LSAMP: variants seen among roughly 807,000 people sequenced by gnomAD.
The protein encoded by LSAMP is limbic system-associated membrane protein.
Under a neutral mutation model 38.6 loss-of-function variants are expected in LSAMP, and 7 were observed. The observed-to-expected ratio is 0.18, with a 90% CI of 0.10 to 0.34. LSAMP has a LOEUF of 0.34. Among genes scored for constraint, LSAMP ranks in the 10% least tolerant of loss-of-function variants. The pLI, the probability that LSAMP is intolerant of heterozygous loss-of-function variation, is 1.00. For synonymous variants in LSAMP, 154 were observed against 166.8 expected (o/e 0.92, Z 0.59); for missense variants, 313 against 420.0 (o/e 0.75, Z 2.23).
At chr3:116,031,593 T>TTTTGG (rs1940927129) in intron 2 of LSAMP, among the ~76,000 whole-genome samples, 1 of 128,816 alleles carries the variant, frequency 7.8e-6, no homozygotes, top group East Asian at 2.3e-4. Flanking sequence ...TTTTTTTAGT[T>TTTTGG]GCTTAAGGCA....
chr3:116,139,784 C>T (rs1709331388), intron 1 of LSAMP, among the ~76,000 whole-genome samples: 1 of 151,962 alleles, frequency 6.6e-6, no homozygotes, highest in African/African-American at 2.4e-5. Flanking sequence ...CTAGAGACAA[C>T]AAACTGCTCT....
intron 1 of LSAMP, among the ~76,000 whole-genome samples, chr3:116,283,253 C>G (rs1386415297): frequency 6.6e-6 from 1 of 151,988 alleles, no homozygotes; most frequent in East Asian, 1.9e-4. Context: ...GTACCTATAA[C>G]TCCAGAATTT....
At chr3:115,884,277 A>G (rs1413975750) in intron 3 of LSAMP, among the ~76,000 whole-genome samples, 3 of 152,060 alleles carry the variant, frequency 2.0e-5, no homozygotes, top group African/African-American at 7.2e-5. Context: ...AAAGGAACAG[A>G]TGTTCTTAGA....
At chr3:116,177,378 T>C (rs1710373442) in intron 1 of LSAMP, among the ~76,000 whole-genome samples, 1 of 152,022 alleles carries the variant, frequency 6.6e-6, no homozygotes, top group African/African-American at 2.4e-5. Flanking sequence ...TGGAAGTTAA[T>C]AGGAATCTGT....
chr3:116,444,392 A>AACACAC (rs202044043), intron 1 of LSAMP, among the ~76,000 whole-genome samples: 68 of 144,338 alleles, frequency 4.7e-4, no homozygotes, highest in East Asian at 8.6e-4. Flanking sequence ...TGGCATGAAA[A>AACACAC]ACACACACAC....
At chr3:116,206,436 C>T (rs2046071099) in intron 1 of LSAMP, among the ~76,000 whole-genome samples, 1 of 147,532 alleles carries the variant, frequency 6.8e-6, no homozygotes, top group East Asian at 2.0e-4. Context: ...TATTTCTTGC[C>T]TTCTGCTAGC....
At chr3:116,415,489 C>T (rs1171437250) in intron 1 of LSAMP, among the ~76,000 whole-genome samples, 1 of 152,058 alleles carries the variant, frequency 6.6e-6, no homozygotes, top group Non-Finnish European at 1.5e-5. Flanking sequence ...GAAATACATT[C>T]CTTGATGCTT....
chr3:115,899,543 C>T (rs987164730), intron 3 of LSAMP, among the ~76,000 whole-genome samples: 1 of 152,116 alleles, frequency 6.6e-6, no homozygotes, highest in African/African-American at 2.4e-5. Context: ...TATTTTTAAA[C>T]CATGTCCTTG....
chr3:115,912,718 T>TA (rs1937161905), intron 3 of LSAMP, among the ~76,000 whole-genome samples: 1 of 152,180 alleles, frequency 6.6e-6, no homozygotes, highest in African/African-American at 2.4e-5. Context: ...GGTTATTGTT[T>TA]AAAAAATTTT....
At chr3:115,947,676 A>T (rs1465626641) in intron 3 of LSAMP, among the ~76,000 whole-genome samples, 2 of 152,226 alleles carry the variant, frequency 1.3e-5, no homozygotes, top group Admixed American at 6.5e-5. Context: ...ATTCAATAAA[A>T]AAAGTTTACA....
chr3:116,253,793 G>C (rs1192248510), intron 1 of LSAMP, among the ~76,000 whole-genome samples: 1 of 152,036 alleles, frequency 6.6e-6, no homozygotes, highest in Non-Finnish European at 1.5e-5. Context: ...CAGGAAAACA[G>C]AGTAGAGTGG....
At chr3:115,927,906 A>G (rs1190520923) in intron 3 of LSAMP, among the ~76,000 whole-genome samples, 1 of 152,218 alleles carries the variant, frequency 6.6e-6, no homozygotes, top group Non-Finnish European at 1.5e-5. Context: ...ACTATGCTCT[A>G]CATTTTTCAT....
At chr3:116,022,176 T>C (rs1940657428) in intron 2 of LSAMP, among the ~76,000 whole-genome samples, 1 of 152,174 alleles carries the variant, frequency 6.6e-6, no homozygotes, top group Non-Finnish European at 1.5e-5. Context: ...CATAAGCATG[T>C]ACATATGATG....
chr3:116,168,604 T>G (rs2107549587), intron 1 of LSAMP, among the ~76,000 whole-genome samples: 1 of 152,308 alleles, frequency 6.6e-6, no homozygotes, highest in Admixed American at 6.5e-5. Context: ...TATGGAGTTC[T>G]GACACAAATT....
At chr3:116,312,230 G>T (rs1458686974) in intron 1 of LSAMP, among the ~76,000 whole-genome samples, 2 of 152,114 alleles carry the variant, frequency 1.3e-5, no homozygotes, top group Non-Finnish European at 2.9e-5. Context: ...ATCCATCAGG[G>T]TTGATCACAA....
At chr3:116,273,711 C>CAT (rs1334416772) in intron 1 of LSAMP, among the ~76,000 whole-genome samples, 565 of 44,846 alleles carry the variant, frequency 0.013, 15 homozygotes, top group African/African-American at 0.051. Flanking sequence ...TATATATACA[C>CAT]ACACACACAC....
rs185442573 is a variant in LSAMP at position 116,328,453 on chromosome 3, C to A, written c.155+116424G>T. Among the ~76,000 whole-genome samples, 645 of 152,206 alleles carry A rather than the reference C, an allele frequency of 4.2e-3. 4 individuals carry two copies. Among genetic ancestry groups the A allele is most frequent in the African/African-American group, 0.015 (608 of 41,528 alleles). On this transcript the variant is annotated intron_variant, in intron 1 of 6. Transcript: ENST00000490035. ...AATAGCATATTCTATTCCCAACATACAAAAGAAACTCAAATTAGAGATTAA... is the reference window on the plus strand; with the variant it reads ...AATAGCATATTCTATTCCCAACATAAAAAAGAAACTCAAATTAGAGATTAA...
At chr3:116,127,741 G>T in intron 1 of LSAMP, among the ~76,000 whole-genome samples, 1 of 134,204 alleles carries the variant, frequency 7.5e-6, no homozygotes, top group African/African-American at 2.8e-5. Flanking sequence ...GTTGGATCAC[G>T]AGGCAAATAG....
intron 3 of LSAMP, among the ~76,000 whole-genome samples, chr3:115,863,047 A>G (rs1403636652): frequency 6.6e-6 from 1 of 152,202 alleles, no homozygotes; most frequent in Non-Finnish European, 1.5e-5. Flanking sequence ...ATTTGTCTCC[A>G]CTGCTATTTA....
Sources: allele counts gnomAD v4.1 joint callset (sites outside exome capture counted in the v4.1 genomes callset), GRCh38; gene constraint gnomAD v4.1.1; transcripts MANE v1.5; gene names NCBI Gene and HGNC (gene_info 2026-07-23, HGNC 2026-07-21).